The following KIAA1217 variants were observed in gnomAD, a reference collection of about 807,000 sequenced individuals.
The protein encoded by KIAA1217 is KIAA1217.
KIAA1217 carries 88 observed loss-of-function variants against 163.9 expected under a neutral mutation model. That is an observed-to-expected ratio of 0.54 (90% CI 0.45 to 0.64). KIAA1217 has a LOEUF of 0.64. Among genes scored for constraint, KIAA1217 ranks in the 30% least tolerant of loss-of-function variants. The probability of loss-of-function intolerance (pLI) is 0.00; values close to 1 mark genes in which losing one functional copy is unlikely to be tolerated. For synonymous variants in KIAA1217, 903 were observed against 923.1 expected (o/e 0.98, Z 0.39); for missense variants, 2,372 against 2,475.0 (o/e 0.96, Z 0.88).
upstream of KIAA1217, among the ~76,000 whole-genome samples, chr10:24,206,155 C>A (rs1441301203): frequency 6.6e-6 from 1 of 152,172 alleles, no homozygotes; most frequent in Non-Finnish European, 1.5e-5. Context: ...GAAAACTTAG[C>A]CTCCTGGTAT....
intron 2 of KIAA1217, among the ~76,000 whole-genome samples, chr10:24,147,832 C>CAAAAAAAAAAAAA (rs1176106711): frequency 1.4e-3 from 29 of 20,776 alleles, no homozygotes; most frequent in African/African-American, 1.7e-3. Flanking sequence ...TACTCTGTCT[C>CAAAAAAAAAAAAA]AAAAAAAAAA....
chr10:24,369,546 G>A (rs1216256476), intron 2 of KIAA1217, among the ~76,000 whole-genome samples: 2 of 152,096 alleles, frequency 1.3e-5, no homozygotes, highest in Non-Finnish European at 2.9e-5. Flanking sequence ...AGTTTTAGGG[G>A]TACGATTCCG....
At chr10:23,846,742 A>G (rs1388418115) in intron 1 of KIAA1217, among the ~76,000 whole-genome samples, 2 of 152,122 alleles carry the variant, frequency 1.3e-5, no homozygotes, top group Non-Finnish European at 2.9e-5. Context: ...CTCTTGCCTA[A>G]TTGCCCTGGC....
intron 2 of KIAA1217, among the ~76,000 whole-genome samples, chr10:24,373,954 G>A (rs1010369015): frequency 6.6e-6 from 1 of 152,230 alleles, no homozygotes; most frequent in East Asian, 1.9e-4. Flanking sequence ...AACAAAAGAT[G>A]CAGTTGTACT....
At chr10:24,197,867 GC>G (rs2067064100) in intron 2 of KIAA1217, among the ~76,000 whole-genome samples, 1 of 152,216 alleles carries the variant, frequency 6.6e-6, no homozygotes, top group African/African-American at 2.4e-5. Flanking sequence ...CACAGTTCAA[GC>G]TTTTTGTGCA....
rs371606812 is a variant in KIAA1217 at position 24,413,560 on chromosome 10, A to G, written c.554-19435A>G. Among the ~76,000 whole-genome samples the G allele has an allele frequency of 4.6e-5, 7 of 152,224 alleles. No individual in the cohort carries two copies. The East Asian group carries it at 1.4e-3, about 29-fold the overall frequency. On this transcript the variant is annotated intron_variant, in intron 3 of 20. Transcript: ENST00000376454. ...TAATCCTCTGTTGCCTTGCAGCTCAATCAAGAGCACAAGGGCCTCCACCAT... is the reference window on the plus strand; with the variant it reads ...TAATCCTCTGTTGCCTTGCAGCTCAGTCAAGAGCACAAGGGCCTCCACCAT...
At chr10:24,246,742 G>A (rs576645508) in intron 2 of KIAA1217, among the ~76,000 whole-genome samples, 1 of 152,106 alleles carries the variant, frequency 6.6e-6, no homozygotes, top group Non-Finnish European at 1.5e-5. Flanking sequence ...CTTATGCTGG[G>A]TTTGCTGGGT....
intron 2 of KIAA1217, among the ~76,000 whole-genome samples, chr10:24,283,824 G>A (rs2078239281): frequency 6.6e-6 from 1 of 151,994 alleles, no homozygotes; most frequent in Non-Finnish European, 1.5e-5. Context: ...CATTATAGTA[G>A]TGTGTAGTAG....
chr10:24,544,928 A>G (rs2075553911), intron 19 of KIAA1217, 53 bp from the exon 20 acceptor site: 3 of 1,589,934 alleles, frequency 1.9e-6, no homozygotes, highest in Admixed American at 3.5e-5. Context: ...CTCACAGATG[A>G]CCTACTCATG....
chr10:23,936,780 C>G (rs1843546422), intron 1 of KIAA1217, among the ~76,000 whole-genome samples: 1 of 152,158 alleles, frequency 6.6e-6, no homozygotes. Flanking sequence ...TCAGGCAACA[C>G]AGTTTGTGAT....
At chr10:23,778,027 C>T (rs916145028) in intron 1 of KIAA1217, among the ~76,000 whole-genome samples, 3 of 151,672 alleles carry the variant, frequency 2.0e-5, no homozygotes, top group Non-Finnish European at 2.9e-5. Context: ...ACTGTAACCA[C>T]CGCCTCCGGG....
At chr10:23,964,223 T>C (rs1181472346) in intron 1 of KIAA1217, among the ~76,000 whole-genome samples, 1 of 151,922 alleles carries the variant, frequency 6.6e-6, no homozygotes, top group Non-Finnish European at 1.5e-5. Flanking sequence ...TTTCATATGT[T>C]TGTTGGCTGC....
At chr10:24,075,435 CT>C (rs1028382919) in intron 2 of KIAA1217, among the ~76,000 whole-genome samples, 3 of 151,810 alleles carry the variant, frequency 2.0e-5, no homozygotes, top group Non-Finnish European at 4.4e-5. Flanking sequence ...TTTCTTTTTC[CT>C]TTCCTTAATT....
Position 23,995,321 on chromosome 10 carries a change from C to A in KIAA1217, c.-320-11904C>A, listed in dbSNP as rs566241934. Among the ~76,000 whole-genome samples the A allele has an allele frequency of 5.5e-4, 84 of 152,236 alleles. 2 individuals are homozygous for A. The highest frequency in any genetic ancestry group is 3.4e-3 in the Middle Eastern group (1 of 294). Reference sequence around the variant, plus strand: ...CAAATTGGTAAATGGGAAAAAGAAACACAATAGAATCCTTTCTGGAAAAAC... The same window carrying A: ...CAAATTGGTAAATGGGAAAAAGAAAAACAATAGAATCCTTTCTGGAAAAAC... On this transcript the variant is annotated intron_variant, in intron 1 of 18. Coordinates refer to the KIAA1217 transcript ENST00000376462.
intron 1 of KIAA1217, among the ~76,000 whole-genome samples, chr10:23,998,772 C>T (rs1564598863): frequency 6.6e-6 from 1 of 152,206 alleles, no homozygotes; most frequent in African/African-American, 2.4e-5. Context: ...AGGGCCTTTG[C>T]ATTGCATTGA....
chr10:24,295,020 C>T (rs2040421617), intron 2 of KIAA1217, among the ~76,000 whole-genome samples: 1 of 152,202 alleles, frequency 6.6e-6, no homozygotes. Context: ...TCTGGAAATA[C>T]TAGAAATGTC....
chr10:24,524,202 C>A, intron 12 of KIAA1217, 121 bp from the exon 13 acceptor site: 1 of 963,096 alleles, frequency 1.0e-6, no homozygotes, highest in Non-Finnish European at 1.6e-6. Context: ...TGTCCCTAAG[C>A]GGCTACTCTG....
chr10:23,778,778 G>T (rs1319190420), intron 1 of KIAA1217, among the ~76,000 whole-genome samples: 1 of 152,146 alleles, frequency 6.6e-6, no homozygotes. Flanking sequence ...CTGGCTTCTG[G>T]ATTGTTCATT....
At chr10:24,252,874 G>A (rs1466456602) in intron 2 of KIAA1217, among the ~76,000 whole-genome samples, 2 of 151,850 alleles carry the variant, frequency 1.3e-5, no homozygotes, top group African/African-American at 4.8e-5. Flanking sequence ...AGGTGCAGTG[G>A]CTCATGCTTG....
Sources: gnomAD v4.1 joint callset for allele counts (sites outside exome capture counted in the v4.1 genomes callset) on GRCh38, gnomAD v4.1.1 for gene constraint, MANE v1.5 for transcripts, NCBI Gene and HGNC (gene_info 2026-07-23, HGNC 2026-07-21) for gene names.